Variants in GPR39 observed in about 807,000 individuals in gnomAD.
GPR39 encodes the protein G protein-coupled receptor 39.
A neutral mutation model predicts 18.4 loss-of-function variants in GPR39; 23 were observed. That is an observed-to-expected ratio of 1.25 (90% CI 0.90 to 1.77). The LOEUF is 1.77. Ranked by LOEUF, GPR39 falls within the 40% of genes most tolerant of loss-of-function variation. The pLI is 0.00. For missense variants in GPR39, 647 were observed against 602.4 expected, an observed-to-expected ratio of 1.07 and a Z score of -0.78; for synonymous variants, 280 against 257.9, an observed-to-expected ratio of 1.09 and a Z score of -0.82.
intron 1 of GPR39, among the ~76,000 whole-genome samples, chr2:132,633,839 ATGATGTTGG>A (rs1681696373): frequency 6.6e-6 from 1 of 151,722 alleles, no homozygotes; most frequent in African/African-American, 2.4e-5. Context: ...GGTGGAGGTG[ATGATGTTGG>A]TGGGGGTGGT....
chr2:132,486,174 G>A (rs62167444), intron 1 of GPR39, among the ~76,000 whole-genome samples: 4,165 of 152,228 alleles, frequency 0.027, 113 homozygotes, highest in African/African-American at 0.07. Context: ...TCAACAGTGG[G>A]CTTAAAATAT....
chr2:132,579,087 C>T (rs138600043), intron 1 of GPR39, among the ~76,000 whole-genome samples: 1 of 151,398 alleles, frequency 6.6e-6, no homozygotes, highest in African/African-American at 2.4e-5. Flanking sequence ...CTTTTCTAAA[C>T]ATATGCTTTC....
chr2:132,577,176 G>T (rs1424556204), intron 1 of GPR39, among the ~76,000 whole-genome samples: 1 of 151,880 alleles, frequency 6.6e-6, no homozygotes, highest in African/African-American at 2.4e-5. Context: ...GGGCAACACG[G>T]TGAAACCCCA....
At chr2:132,592,070 A>C (rs72841231) in intron 1 of GPR39, among the ~76,000 whole-genome samples, 29,931 of 152,254 alleles carry the variant, frequency 0.2, 3,486 homozygotes, top group South Asian at 0.28. Flanking sequence ...TTGAGAATTC[A>C]TTAAATGCCA....
intron 1 of GPR39, among the ~76,000 whole-genome samples, chr2:132,522,622 A>G (rs902026905): frequency 6.6e-6 from 1 of 152,228 alleles, no homozygotes; most frequent in Non-Finnish European, 1.5e-5. Context: ...TACAAGCCCA[A>G]TATGGGGGAC....
rs180902738 is a variant in GPR39 at position 132,583,077 on chromosome 2, C to A, written c.857-62024C>A. On this transcript the variant is annotated intron_variant, in intron 1 of 1. Coordinates refer to ENST00000329321, the MANE Select transcript of GPR39 (RefSeq NM_001508.3). ...CATACCCAGCTAATTATTTAAATTA[C>A]TTTTTTTGTTGTTTGTTTAGAGGTA... 4.2e-3 allele frequency among the ~76,000 whole-genome samples: 641 copies of A among 151,896 alleles called. 2 individuals are homozygous for A. Among genetic ancestry groups the A allele is most frequent in the Middle Eastern group, 6.8e-3 (2 of 294 alleles).
chr2:132,533,824 C>T (rs942825868), intron 1 of GPR39, among the ~76,000 whole-genome samples: 1 of 152,128 alleles, frequency 6.6e-6, no homozygotes, highest in African/African-American at 2.4e-5. Context: ...TTCCTTACAC[C>T]TTATACAAAA....
intron 1 of GPR39, among the ~76,000 whole-genome samples, chr2:132,473,571 A>G (rs1681071604): frequency 6.6e-6 from 1 of 152,172 alleles, no homozygotes; most frequent in Non-Finnish European, 1.5e-5. Context: ...AAAAAAAAGC[A>G]TTTATCAACT....
intron 1 of GPR39, among the ~76,000 whole-genome samples, chr2:132,507,867 A>G (rs1679163897): frequency 6.6e-6 from 1 of 152,200 alleles, no homozygotes; most frequent in African/African-American, 2.4e-5. Context: ...GAGAGTCCCA[A>G]ACATGGTTAT....
intron 1 of GPR39, among the ~76,000 whole-genome samples, chr2:132,621,623 G>A (rs1295284387): frequency 1.3e-5 from 2 of 152,128 alleles, no homozygotes; most frequent in African/African-American, 4.8e-5. Flanking sequence ...GCCATTTTGA[G>A]GTACAAGTAG....
At chr2:132,462,023 C>T (rs1342498740) in intron 1 of GPR39, among the ~76,000 whole-genome samples, 4 of 152,190 alleles carry the variant, frequency 2.6e-5, no homozygotes, top group African/African-American at 7.2e-5. Context: ...GCCCGTCTAA[C>T]ATTTTCTTTA....
At chr2:132,491,984 A>AT (rs1681470835) in intron 1 of GPR39, among the ~76,000 whole-genome samples, 1 of 151,310 alleles carries the variant, frequency 6.6e-6, no homozygotes, top group African/African-American at 2.4e-5. Flanking sequence ...TTCATTATTA[A>AT]TTTTCATTGA....
intron 1 of GPR39, among the ~76,000 whole-genome samples, chr2:132,580,973 CA>C (rs572666834): frequency 2.0e-3 from 191 of 94,656 alleles, no homozygotes; most frequent in African/African-American, 5.1e-3. Flanking sequence ...AAAAAAAAAA[CA>C]AAAAAAAAAA....
At chr2:132,585,145 C>G (rs1342848602) in intron 1 of GPR39, among the ~76,000 whole-genome samples, 1 of 152,164 alleles carries the variant, frequency 6.6e-6, no homozygotes, top group African/African-American at 2.4e-5. Context: ...ACAGAGGTGT[C>G]TCATGGATTA....
At chr2:132,493,434 CACACACCATATATAT>C (rs1558815380) in intron 1 of GPR39, among the ~76,000 whole-genome samples, 3 of 144,772 alleles carry the variant, frequency 2.1e-5, no homozygotes, top group African/African-American at 5.2e-5. Context: ...GCCATATATA[CACACACCATATATAT>C]ACACACCATA....
intron 1 of GPR39, among the ~76,000 whole-genome samples, chr2:132,481,491 C>T (rs944647109): frequency 7.2e-5 from 11 of 152,118 alleles, no homozygotes; most frequent in African/African-American, 2.7e-4. Context: ...TTTCAAAGGC[C>T]AGGATCTGGG....
intron 1 of GPR39, among the ~76,000 whole-genome samples, chr2:132,538,327 G>A (rs1050296195): frequency 2.4e-4 from 37 of 152,192 alleles, no homozygotes; most frequent in Non-Finnish European, 5.3e-4. Flanking sequence ...ATCTGCTTCA[G>A]TTTGCTGGGT....
rs5834318 is a variant in GPR39 at position 132,545,653 on chromosome 2, G to GGTGTGTGTGTGTGTGT, written c.857-99447_857-99446insTGTGTGTGTGTGTGTG. Among the ~76,000 whole-genome samples, 812 of 134,756 alleles carry GGTGTGTGTGTGTGTGT rather than the reference G, an allele frequency of 6.0e-3. 9 individuals are homozygous for GGTGTGTGTGTGTGTGT. The highest frequency in any genetic ancestry group is 0.019 in the African/African-American group (744 of 39,808). The allele number at this position is 134,756 out of a possible 152,430, so 88.4% of individuals were successfully genotyped here. ...ATCTTATAATCCACGATGTGTGATG[G>GGTGTGTGTGTGTGTGT]GCGTGTGTGTGTGTGTGTGTGTGTG... is the stretch of plus-strand genomic sequence containing the variant. On this transcript the variant is annotated intron_variant, in intron 1 of 1. Coordinates refer to ENST00000329321, the MANE Select transcript of GPR39 (RefSeq NM_001508.3).
intron 1 of GPR39, among the ~76,000 whole-genome samples, chr2:132,568,986 A>G (rs1680396799): frequency 6.6e-6 from 1 of 152,096 alleles, no homozygotes; most frequent in Non-Finnish European, 1.5e-5. Flanking sequence ...ACTTCTGGTC[A>G]CTGTGTGAAT....
Sources: allele counts gnomAD v4.1 joint callset (sites outside exome capture counted in the v4.1 genomes callset), GRCh38; gene constraint gnomAD v4.1.1; transcripts MANE v1.5; gene names NCBI Gene and HGNC (gene_info 2026-07-23, HGNC 2026-07-21).